The following ASCC3 variants were observed in gnomAD, a reference collection of about 807,000 sequenced individuals.
ASCC3 encodes the protein activating signal cointegrator 1 complex subunit 3.
A neutral mutation model predicts 256.3 loss-of-function variants in ASCC3; 158 were observed. That is an observed-to-expected ratio of 0.62 (90% CI 0.54 to 0.70). ASCC3 has a LOEUF of 0.70. ASCC3 is among the 30% of genes least tolerant of loss of function. ASCC3 has a pLI of 0.00. For synonymous variants in ASCC3, 948 were observed against 883.4 expected, an observed-to-expected ratio of 1.07 and a Z score of -1.30; for missense variants, 2,259 against 2,626.0, an observed-to-expected ratio of 0.86 and a Z score of 3.05.
intron 10 of ASCC3, among the ~76,000 whole-genome samples, chr6:100,731,233 T>C (rs1027315986): frequency 4.6e-5 from 7 of 152,190 alleles, no homozygotes; most frequent in Non-Finnish European, 1.0e-4. Flanking sequence ...AAAAAAATAC[T>C]TTCCAGACTA....
intron 30 of ASCC3, among the ~76,000 whole-genome samples, chr6:100,608,186 G>A (rs1347913247): frequency 6.5e-4 from 17 of 26,134 alleles, no homozygotes; most frequent in South Asian, 1.3e-3. Context: ...ATATGTGTGT[G>A]TATATATATA....
intron 4 of ASCC3, among the ~76,000 whole-genome samples, chr6:100,827,304 C>T (rs1191422584): frequency 6.6e-6 from 1 of 152,170 alleles, no homozygotes; most frequent in East Asian, 1.9e-4. Context: ...ACTCATTACC[C>T]TTAAAATCCT....
At chr6:100,559,128 TA>T (rs771533005) in intron 36 of ASCC3, among the ~76,000 whole-genome samples, 8 of 152,178 alleles carry the variant, frequency 5.3e-5, no homozygotes, top group Non-Finnish European at 1.0e-4. Flanking sequence ...TATGTCATGT[TA>T]ACCAAATACC....
chr6:100,781,815 C>T (rs1031365100), intron 8 of ASCC3, among the ~76,000 whole-genome samples: 9 of 151,952 alleles, frequency 5.9e-5, no homozygotes, highest in African/African-American at 2.2e-4. Context: ...CATGGAATTT[C>T]CCACATTAAG....
intron 30 of ASCC3, among the ~76,000 whole-genome samples, chr6:100,621,000 T>C (rs1253595321): frequency 6.6e-6 from 1 of 152,176 alleles, no homozygotes; most frequent in Non-Finnish European, 1.5e-5. Flanking sequence ...TTAAAGGTGA[T>C]TGCTTTTAGA....
chr6:100,712,975 G>GTC (rs1778923109), intron 13 of ASCC3, among the ~76,000 whole-genome samples: 1 of 151,760 alleles, frequency 6.6e-6, no homozygotes, highest in African/African-American at 2.4e-5. Context: ...AGCCAGGATG[G>GTC]TCTCCATCTC....
chr6:100,610,019 A>G (rs1399788913), intron 30 of ASCC3, among the ~76,000 whole-genome samples: 1 of 152,118 alleles, frequency 6.6e-6, no homozygotes, highest in Non-Finnish European at 1.5e-5. Context: ...TTTCCGGGAA[A>G]CTCCATGAGG....
intron 39 of ASCC3, 41 bp downstream of exon 39, chr6:100,516,139 A>G (rs760013780): frequency 6.2e-7 from 1 of 1,612,822 alleles, no homozygotes; most frequent in Non-Finnish European, 8.5e-7. Context: ...ACACCTTCTC[A>G]GAGTAGGGGA....
At chr6:100,690,994 T>G (rs1456335881) in intron 13 of ASCC3, among the ~76,000 whole-genome samples, 1 of 152,152 alleles carries the variant, frequency 6.6e-6, no homozygotes, top group Non-Finnish European at 1.5e-5. Flanking sequence ...CTTGTATGTT[T>G]GAGTTGAGGA....
intron 36 of ASCC3, among the ~76,000 whole-genome samples, chr6:100,582,221 T>C (rs1771323288): frequency 6.6e-6 from 1 of 152,132 alleles, no homozygotes; most frequent in South Asian, 2.1e-4. Flanking sequence ...CCCATGAGCA[T>C]GGAATGTTCT....
chr6:100,555,072 C>T (rs1403095722), intron 36 of ASCC3, among the ~76,000 whole-genome samples: 1 of 151,318 alleles, frequency 6.6e-6, no homozygotes, highest in East Asian at 1.9e-4. Flanking sequence ...TTTATATTGA[C>T]CAGAAAATTC....
intron 36 of ASCC3, among the ~76,000 whole-genome samples, chr6:100,574,726 T>C (rs1770769635): frequency 6.6e-6 from 1 of 151,734 alleles, no homozygotes; most frequent in South Asian, 2.1e-4. Context: ...CAGGACAAAT[T>C]CCAGATAGTA....
chr6:100,843,091 CAT>C (rs1320267644), intron 4 of ASCC3, among the ~76,000 whole-genome samples: 1 of 151,926 alleles, frequency 6.6e-6, no homozygotes, highest in African/African-American at 2.4e-5. Flanking sequence ...AGTTCAATAA[CAT>C]AAAGAAAAAT....
chr6:100,795,666 G>A (rs1308111539), intron 8 of ASCC3, among the ~76,000 whole-genome samples: 2 of 152,070 alleles, frequency 1.3e-5, no homozygotes, highest in South Asian at 2.1e-4. Context: ...ATTTTTGCAT[G>A]TACTAGAATT....
chr6:100,702,713 T>C (rs868431714), intron 13 of ASCC3, among the ~76,000 whole-genome samples: 1 of 152,070 alleles, frequency 6.6e-6, no homozygotes, highest in African/African-American at 2.4e-5. Context: ...AGTAAGGAGA[T>C]AGGTAAAAGG....
At chr6:100,573,038 C>T (rs1770677020) in intron 36 of ASCC3, among the ~76,000 whole-genome samples, 1 of 151,982 alleles carries the variant, frequency 6.6e-6, no homozygotes. Context: ...ATTATTTTTT[C>T]CTTTTAAAAT....
At position 100,661,973 on chromosome 6, in the gene ASCC3, C is replaced by T; in HGVS notation, c.2536G>A (p.Val846Ile). ...CCAGCTCGACCAAATATCTGCATGA[C>T]ATCTAAAATTCCAAGGTCAACAAAG... ...GSFVDLGILD[V>I]MQIFGRAGRP... Residue 846 changes from valine to isoleucine, a missense_variant, in exon 16 of 42, where the codon GTC becomes ATC. This residue lies in a region of ASCC3 where 1,839 missense variants were observed against 2,206.7 expected (regional missense o/e 0.83). Transcript: ENST00000369162. The T allele has an allele frequency of 6.2e-7, 1 of 1,613,324 alleles. No homozygotes were observed. The highest frequency in any genetic ancestry group is 1.1e-5 in the South Asian group (1 of 91,070).
chr6:100,544,639 C>G (rs1270308835), intron 36 of ASCC3, among the ~76,000 whole-genome samples: 1 of 151,966 alleles, frequency 6.6e-6, no homozygotes, highest in Non-Finnish European at 1.5e-5. Context: ...ACCTGAAAAT[C>G]TTTACATGTA....
At chr6:100,817,194 T>C (rs932801378) in intron 4 of ASCC3, among the ~76,000 whole-genome samples, 2 of 151,754 alleles carry the variant, frequency 1.3e-5, no homozygotes, top group African/African-American at 4.8e-5. Context: ...CCAAAAACAT[T>C]GGAAAACTTA....
Sources: gnomAD v4.1 joint callset for allele counts (sites outside exome capture counted in the v4.1 genomes callset) on GRCh38, gnomAD v4.1.1 for gene constraint, gnomAD v4.1.1 regional missense constraint, MANE v1.5 for transcripts, NCBI Gene and HGNC (gene_info 2026-07-23, HGNC 2026-07-21) for gene names.